The following DGAT2 variants were observed in gnomAD, a reference collection of about 807,000 sequenced individuals.
DGAT2 encodes the protein acyl-CoA retinol O-fatty-acyltransferase.
In DGAT2, 33 loss-of-function variants were observed where a neutral mutation model predicts 48.4. The ratio of observed to expected loss-of-function variants is 0.68; its 90% CI spans 0.52 to 0.91. DGAT2 has a LOEUF of 0.91. Among genes scored for constraint, DGAT2 ranks in the 40% least tolerant of loss-of-function variants. DGAT2 has a pLI of 0.00. For missense variants in DGAT2, 446 were observed against 493.7 expected, an observed-to-expected ratio of 0.90 and a Z score of 0.92; for synonymous variants, 191 against 194.1, an observed-to-expected ratio of 0.98 and a Z score of 0.13.
rs114631642 is a variant in DGAT2 at position 75,788,677 on chromosome 11, A to C, written c.251-1511A>C. 9.9e-3 allele frequency among the ~76,000 whole-genome samples: 1,511 copies of C among 152,294 alleles called. 27 individuals carry two copies. The highest frequency in any genetic ancestry group is 0.035 in the African/African-American group (1,455 of 41,532). The stretch of plus-strand genomic sequence containing the variant: ...GGTGAGAAGAGAGCATGACATCCAG[A>C]GCCAGGCAGCCTACAGCACCTGGGA... On this transcript the variant is annotated intron_variant, in intron 2 of 7. Coordinates refer to ENST00000228027, the MANE Select transcript of DGAT2 (RefSeq NM_032564.5).
Position 75,768,936 on chromosome 11 carries a change from C to G in DGAT2, c.-56C>G. 2 of 1,414,370 alleles carry G rather than the reference C, an allele frequency of 1.4e-6. No homozygotes were observed. Among genetic ancestry groups the G allele is most frequent in the South Asian group, 3.0e-5 (2 of 66,210 alleles). 87.6% of individuals were successfully genotyped at this position (1,414,370 alleles called of 1,614,324 possible). A position where few individuals can be genotyped will look rare whatever the true frequency, so the allele number is the denominator to read the frequency against. The stretch of plus-strand genomic sequence containing the variant: ...TGGCCCCGGGGGCCGGGGCATGGGC[C>G]AGGGGCGCGGGGTGAAGCGGCTTCC... On this transcript the variant is annotated 5_prime_UTR_variant, in exon 1 of 8. Coordinates refer to ENST00000228027, the MANE Select transcript of DGAT2 (RefSeq NM_032564.5).
At chr11:75,778,782 C>T (rs1402138239) in intron 1 of DGAT2, among the ~76,000 whole-genome samples, 4 of 141,986 alleles carry the variant, frequency 2.8e-5, no homozygotes, top group South Asian at 2.2e-4. Context: ...TGCAGCGAGT[C>T]GAGATCGCAC....
intron 1 of DGAT2, among the ~76,000 whole-genome samples, chr11:75,778,982 G>A (rs2135762275): frequency 6.6e-6 from 1 of 152,304 alleles, no homozygotes; most frequent in South Asian, 2.1e-4. Flanking sequence ...GCTGGCCCAG[G>A]GCCCTCTTTC....
chr11:75,770,537 T>C (rs1299792200), intron 1 of DGAT2, among the ~76,000 whole-genome samples: 1 of 152,214 alleles, frequency 6.6e-6, no homozygotes, highest in Non-Finnish European at 1.5e-5. Flanking sequence ...CTTGCCCTTG[T>C]TCATGCTGTT....
At chr11:75,798,573 C>T in intron 7 of DGAT2, 144 bp downstream of exon 7, 1 of 921,834 alleles carries the variant, frequency 1.1e-6, no homozygotes, top group Non-Finnish European at 1.6e-6. Flanking sequence ...GTGTTGGGTG[C>T]TGATATTGGT....
At chr11:75,785,067 G>C (rs1435232647) in intron 2 of DGAT2, among the ~76,000 whole-genome samples, 3 of 152,166 alleles carry the variant, frequency 2.0e-5, no homozygotes, top group African/African-American at 7.2e-5. Flanking sequence ...GACCCCCAAA[G>C]CCTGTGCCTT....
intron 4 of DGAT2, chr11:75,795,368 A>G (rs1046847658): frequency 1.5e-4 from 23 of 152,286 alleles, no homozygotes; most frequent in African/African-American, 5.3e-4. Context: ...TTTTATGAGC[A>G]GAATACCCTT....
intron 1 of DGAT2, among the ~76,000 whole-genome samples, chr11:75,772,859 G>A (rs1590862378): frequency 1.3e-5 from 2 of 152,176 alleles, no homozygotes; most frequent in African/African-American, 4.8e-5. Context: ...GTGTGGTGGT[G>A]TGTGCCTGTA....
chr11:75,784,806 G>A, intron 2 of DGAT2, 60 bp downstream of exon 2: 3 of 1,609,620 alleles, frequency 1.9e-6, no homozygotes, highest in Non-Finnish European at 2.5e-6. Flanking sequence ...CCCAAAAGAG[G>A]TAGAGCAGGA....
intron 2 of DGAT2, among the ~76,000 whole-genome samples, chr11:75,787,478 G>C (rs1363793455): frequency 1.3e-5 from 2 of 152,208 alleles, no homozygotes; most frequent in African/African-American, 4.8e-5. Context: ...TCAGAATTTT[G>C]TATCACAAGT....
chr11:75,782,633 G>GTC (rs908062704), intron 1 of DGAT2, among the ~76,000 whole-genome samples: 1 of 152,194 alleles, frequency 6.6e-6, no homozygotes, highest in African/African-American at 2.4e-5. Flanking sequence ...ACCCAGTCCT[G>GTC]TCCCACTTGT....
intron 1 of DGAT2, among the ~76,000 whole-genome samples, chr11:75,779,553 G>A (rs146555162): frequency 1.0e-3 from 155 of 152,320 alleles, no homozygotes; most frequent in Non-Finnish European, 1.9e-3. Flanking sequence ...CATAGGCGCA[G>A]GAGAAGGGGA....
intron 2 of DGAT2, among the ~76,000 whole-genome samples, 185 bp from the exon 3 acceptor site, chr11:75,790,003 T>C (rs554452099): frequency 1.0e-3 from 152 of 152,334 alleles, no homozygotes; most frequent in African/African-American, 3.5e-3. Flanking sequence ...GCTCCTCTTG[T>C]CCCAGGAATC....
intron 6 of DGAT2, among the ~76,000 whole-genome samples, chr11:75,797,833 G>A (rs1467073356): frequency 6.6e-6 from 1 of 152,158 alleles, no homozygotes; most frequent in African/African-American, 2.4e-5. Flanking sequence ...AGGGTAGAGG[G>A]ATGGACAGTG....
Position 75,790,342 on chromosome 11 carries a change from C to T in DGAT2, c.358+47C>T, listed in dbSNP as rs747310550. 2.7e-6 allele frequency: 4 copies of T among 1,473,070 alleles called. No individual in the cohort carries two copies. The African/African-American group carries it at 5.6e-5, about 20-fold the overall frequency. The allele number at this position is 1,473,070 out of a possible 1,614,324, so 91.2% of individuals were successfully genotyped here. A position where few individuals can be genotyped will look rare whatever the true frequency, so the allele number is the denominator to read the frequency against. ...CCCCACCTCTCATTCTAGGGATGCT[C>T]TTCCCCCTGCACAAGCTGAAGGGCC... is the stretch of plus-strand genomic sequence containing the variant. On this transcript the variant is annotated intron_variant, in intron 3 of 7. Transcript: ENST00000228027.
intron 5 of DGAT2, 160 bp from the exon 6 acceptor site, chr11:75,796,997 GA>G: frequency 1.5e-6 from 1 of 656,032 alleles, no homozygotes; most frequent in Non-Finnish European, 2.4e-6. Flanking sequence ...CTGAGGCTCA[GA>G]AAAATGAATA....
At chr11:75,784,959 G>C (rs1944906558) in intron 2 of DGAT2, among the ~76,000 whole-genome samples, 1 of 152,178 alleles carries the variant, frequency 6.6e-6, no homozygotes, top group South Asian at 2.1e-4. Context: ...TCAGTGGGAG[G>C]TGGTGTGATA....
In DGAT2 at chr11:75,790,287, C is replaced by T. The variant is rs763898258; in HGVS notation, c.350C>T (p.Pro117Leu). The change falls in exon 3 of 8, where the codon CCC becomes CTC. Residue 117 changes from proline (P) to leucine (L), a missense_variant. Coordinates refer to ENST00000228027, the MANE Select transcript of DGAT2 (RefSeq NM_032564.5). The stretch of plus-strand genomic sequence containing the variant: ...TGGCTGGTGTTTGACTGGAACACAC[C>T]CAAGAAAGGTAAGTGCAAGGCCTCC... ...FTWLVFDWNT[P>L]KKGGRRSQWV... is the part of the protein sequence containing the mutation. 2.5e-6 allele frequency: 4 copies of T among 1,613,602 alleles called. No homozygotes were observed. In the Admixed American group the frequency reaches 6.7e-5, roughly 27 times the overall value.
intron 1 of DGAT2, among the ~76,000 whole-genome samples, chr11:75,777,146 C>T (rs1944810637): frequency 6.6e-6 from 1 of 151,832 alleles, no homozygotes; most frequent in Non-Finnish European, 1.5e-5. Context: ...ACCCCCACCC[C>T]CACCCCTGCC....
Sources: gnomAD v4.1 joint callset for allele counts (sites outside exome capture counted in the v4.1 genomes callset) on GRCh38, gnomAD v4.1.1 for gene constraint, MANE v1.5 for transcripts, NCBI Gene and HGNC (gene_info 2026-07-23, HGNC 2026-07-21) for gene names.